Variants in EFTUD2 observed in about 807,000 individuals in gnomAD.
The protein encoded by EFTUD2 is 116 kDa U5 small nuclear ribonucleoprotein component.
A neutral mutation model predicts 114.3 loss-of-function variants in EFTUD2; 9 were observed. The ratio of observed to expected loss-of-function variants is 0.08; its 90% CI spans 0.05 to 0.14. The LOEUF (loss-of-function observed/expected upper bound fraction) is 0.14, where lower values mean the gene tolerates loss of function less well. EFTUD2 is among the 10% of genes least tolerant of loss of function. EFTUD2 has a pLI of 1.00. For synonymous variants in EFTUD2, 449 were observed against 462.3 expected (o/e 0.97, Z 0.37); for missense variants, 765 against 1,241.2 (o/e 0.62, Z 5.76).
intron 2 of EFTUD2, chr17:44,891,827 T>C (rs996711558): frequency 6.6e-6 from 1 of 152,146 alleles, no homozygotes; most frequent in Non-Finnish European, 1.5e-5. Context: ...GAAACTCTGT[T>C]ACTTACCAAT....
chr17:44,872,859 A>C, intron 10 of EFTUD2: 1 of 182,092 alleles, frequency 5.5e-6, no homozygotes. Context: ...AGAGACAAAA[A>C]CCTTAGAACA....
rs748067700 is a variant in EFTUD2, at chr17:44,850,377, A to G, written c.*897T>C. 1 of 1,613,042 alleles carries G rather than the reference A, an allele frequency of 6.2e-7. No homozygotes were observed. The highest frequency in any genetic ancestry group is 2.2e-5 in the East Asian group (1 of 44,888). On this transcript the variant is annotated 3_prime_UTR_variant, in exon 28 of 28. Transcript: ENST00000426333. ...AGCGATTACGTCAAGAGGATGGCAC[A>G]GGATGCTGGAGAGAAGTAGGACTCC... is the stretch of plus-strand genomic sequence containing the variant.
chr17:44,894,934 G>T (rs2051351456), intron 1 of EFTUD2, among the ~76,000 whole-genome samples: 1 of 152,324 alleles, frequency 6.6e-6, no homozygotes, highest in Non-Finnish European at 1.5e-5. Context: ...AAAATGGCAA[G>T]AACAGTACAA....
chr17:44,864,002 T>A (rs1465154696), intron 14 of EFTUD2: 1 of 491,976 alleles, frequency 2.0e-6, no homozygotes, highest in African/African-American at 2.0e-5. Flanking sequence ...GCAGCAGGTA[T>A]CAGTGGTACA....
intron 2 of EFTUD2, among the ~76,000 whole-genome samples, chr17:44,891,236 GC>G (rs2051273074): frequency 6.6e-6 from 1 of 152,214 alleles, no homozygotes; most frequent in Non-Finnish European, 1.5e-5. Flanking sequence ...AACTGTGGTG[GC>G]AGGTATGGGA....
chr17:44,877,982 A>C (rs1198212314), intron 9 of EFTUD2, among the ~76,000 whole-genome samples: 1 of 152,080 alleles, frequency 6.6e-6, no homozygotes, highest in Non-Finnish European at 1.5e-5. Context: ...CTAAAAATAC[A>C]AAAATTATCC....
At chr17:44,868,522 A>C (rs1488779003) in intron 11 of EFTUD2, 172 bp from the exon 12 acceptor site, 24 of 599,692 alleles carry the variant, frequency 4.0e-5, no homozygotes, top group Non-Finnish European at 6.1e-5. Context: ...ACAAAGAAGG[A>C]CAAGACTGGT....
At chr17:44,883,570 C>A (rs1032768932) in intron 5 of EFTUD2, 79 bp downstream of exon 5, 12 of 1,372,754 alleles carry the variant, frequency 8.7e-6, no homozygotes, top group Non-Finnish European at 1.2e-5. Flanking sequence ...AAACCTCAAC[C>A]GCTGTGACTC....
rs1335954046 is a variant in EFTUD2, at chr17:44,860,447, G to A, written c.1704C>T (p.Pro568=). 3.1e-6 allele frequency: 5 copies of A among 1,613,806 alleles called. No individual in the cohort carries two copies. Among genetic ancestry groups the A allele is most frequent in the Non-Finnish European group, 4.2e-6 (5 of 1,179,884 alleles). ...GAAACTCTACCTCCTCATTGCCTCG[G>A]GGTTCGGTTATGGTTGCTGTCTTCA... is the stretch of plus-strand genomic sequence containing the variant. ...PIVKTATITE[P]RGNEEAQIFR... is the part of the protein sequence containing the mutation. The change falls in exon 17 of 28, where the codon CCC becomes CCT. Residue 568 remains proline, a synonymous_variant. Transcript: ENST00000426333.
At chr17:44,859,831 G>C (rs1013730476) in intron 18 of EFTUD2, 74 bp downstream of exon 18, 1 of 1,602,366 alleles carries the variant, frequency 6.2e-7, no homozygotes, top group Non-Finnish European at 8.5e-7. Context: ...CTGATGGATG[G>C]GAAGCGGTGT....
chr17:44,894,315 A>C lies in EFTUD2; in HGVS notation c.105+102T>G, dbSNP rs964794652. On this transcript the variant is annotated intron_variant, in intron 2 of 27. Transcript: ENST00000426333. The stretch of plus-strand genomic sequence containing the variant: ...AGCCCAGGAGGTGGAGGTTGCAGTG[A>C]GCTGAGATTGCGCCACTGCACTCCA... The C allele has an allele frequency of 4.2e-6, 4 of 942,082 alleles. No homozygotes were observed. The African/African-American group carries it at 6.5e-5, about 15-fold the overall frequency. The allele number at this position is 942,082 out of a possible 1,614,324, so 58.4% of individuals were successfully genotyped here. A position where few individuals can be genotyped will look rare whatever the true frequency, so the allele number is the denominator to read the frequency against.
chr17:44,869,861 A>G (rs866290281), intron 11 of EFTUD2, among the ~76,000 whole-genome samples: 7 of 152,156 alleles, frequency 4.6e-5, no homozygotes, highest in African/African-American at 1.7e-4. Context: ...TCACATTGCC[A>G]TTCATCACTC....
intron 11 of EFTUD2, among the ~76,000 whole-genome samples, chr17:44,870,396 T>A (rs1443030891): frequency 2.0e-5 from 3 of 152,208 alleles, no homozygotes; most frequent in Non-Finnish European, 4.4e-5. Context: ...AAAAGAGCCA[T>A]CTGGAAATAA....
chr17:44,868,589 C>T (rs2050793290), intron 11 of EFTUD2: 1 of 497,882 alleles, frequency 2.0e-6, no homozygotes, highest in African/African-American at 2.0e-5. Flanking sequence ...TCTCCATCTC[C>T]ACCAAGCACT....
At chr17:44,857,920 CTTT>C (rs528299306) in intron 19 of EFTUD2, among the ~76,000 whole-genome samples, 7 of 127,476 alleles carry the variant, frequency 5.5e-5, no homozygotes, top group Admixed American at 8.1e-5. Flanking sequence ...TTTCTTTTTC[CTTT>C]TTTTTTTTTT....
At chr17:44,853,943 T>C (rs1347285212) in intron 23 of EFTUD2, 2 of 1,359,344 alleles carry the variant, frequency 1.5e-6, no homozygotes, top group South Asian at 1.9e-5. Context: ...GAATTGTACA[T>C]TTGGTCCATG....
In EFTUD2 at chr17:44,885,152, G is replaced by C. The variant is rs533508996; in HGVS notation, c.350+104C>G. The C allele has an allele frequency of 3.4e-5, 29 of 846,602 alleles. No homozygotes were observed. In the South Asian group the frequency reaches 4.1e-4, roughly 12 times the overall value. 52.4% of individuals were successfully genotyped at this position (846,602 alleles called of 1,614,324 possible). On this transcript the variant is annotated intron_variant, in intron 4 of 27. Coordinates refer to ENST00000426333, the MANE Select transcript of EFTUD2 (RefSeq NM_004247.4). The stretch of plus-strand genomic sequence containing the variant: ...GAAGGAGAATTTGAGAGCTATGTAC[G>C]GCCACAATTTACTAGCTATTTCAGC...
At chr17:44,866,234 C>T (rs2050744166) in intron 13 of EFTUD2, among the ~76,000 whole-genome samples, 1 of 151,982 alleles carries the variant, frequency 6.6e-6, no homozygotes, top group East Asian at 1.9e-4. Flanking sequence ...AAAGTTCATA[C>T]GAACATGCTT....
At chr17:44,889,927 T>C (rs7210042) in intron 2 of EFTUD2, among the ~76,000 whole-genome samples, 39,925 of 152,200 alleles carry the variant, frequency 0.26, 5,312 homozygotes, top group Non-Finnish European at 0.28. Context: ...ATTATCTCTA[T>C]CCGAGTCTAC....
Sources: gnomAD v4.1 joint callset for allele counts (sites outside exome capture counted in the v4.1 genomes callset) on GRCh38, gnomAD v4.1.1 for gene constraint, MANE v1.5 for transcripts, NCBI Gene and HGNC (gene_info 2026-07-23, HGNC 2026-07-21) for gene names.